ADAM32: variants seen among roughly 807,000 people sequenced by gnomAD.
The protein encoded by ADAM32 is disintegrin and metalloproteinase domain-containing protein 32.
Under a neutral mutation model 114.9 loss-of-function variants are expected in ADAM32, and 89 were observed. That is an observed-to-expected ratio of 0.77 (90% confidence interval 0.65 to 0.92). The LOEUF is 0.92. Ranked by LOEUF, ADAM32 falls within the 40% of genes least tolerant of loss-of-function variation. The probability of loss-of-function intolerance (pLI) is 0.00; values close to 1 mark genes in which losing one functional copy is unlikely to be tolerated. For synonymous variants in ADAM32, 285 were observed against 307.5 expected (o/e 0.93, Z 0.77); for missense variants, 870 against 932.8 (o/e 0.93, Z 0.88).
intron 10 of ADAM32, among the ~76,000 whole-genome samples, chr8:39,171,276 C>T (rs1312592395): frequency 1.3e-5 from 2 of 151,938 alleles, no homozygotes; most frequent in Non-Finnish European, 2.9e-5. Context: ...AATAGGGTGA[C>T]TATAATTAAC....
At chr8:39,273,700 C>G (rs1270282177) in intron 20 of ADAM32, among the ~76,000 whole-genome samples, 2 of 152,124 alleles carry the variant, frequency 1.3e-5, no homozygotes, top group Non-Finnish European at 2.9e-5. Flanking sequence ...AGCCTCAGCT[C>G]CTGTTTAACC....
At chr8:39,184,084 G>A (rs1050617856) in intron 10 of ADAM32, among the ~76,000 whole-genome samples, 1 of 152,218 alleles carries the variant, frequency 6.6e-6, no homozygotes, top group African/African-American at 2.4e-5. Flanking sequence ...TAGAGTGCTC[G>A]AGCTGTTTAG....
intron 10 of ADAM32, among the ~76,000 whole-genome samples, chr8:39,174,104 C>T (rs184078842): frequency 2.6e-4 from 39 of 152,292 alleles, no homozygotes; most frequent in Admixed American, 1.0e-3. Flanking sequence ...GGGTTACAGG[C>T]GTGAGCCACC....
rs189991617 is a variant in ADAM32 at position 39,148,267 on chromosome 8, A to G, written c.276+1062A>G. On this transcript the variant is annotated intron_variant, in intron 4 of 24. Transcript: ENST00000379907. ...TTCTCTACCTCATTCACTTTGTTCC[A>G]GCATTGTTGTTCTTCAAATATAATA... Among the ~76,000 whole-genome samples, 7 of 152,238 alleles carry G rather than the reference A, an allele frequency of 4.6e-5. No individual in the cohort carries two copies. In the East Asian group the frequency reaches 1.4e-3, roughly 29 times the overall value.
intron 11 of ADAM32, among the ~76,000 whole-genome samples, chr8:39,193,968 T>C (rs1263075512): frequency 1.3e-5 from 2 of 152,180 alleles, no homozygotes; most frequent in Non-Finnish European, 2.9e-5. Flanking sequence ...GATCCATCTT[T>C]ATTTGCATGT....
chr8:39,172,939 A>G (rs1336435836), intron 10 of ADAM32, among the ~76,000 whole-genome samples: 1 of 152,214 alleles, frequency 6.6e-6, no homozygotes, highest in African/African-American at 2.4e-5. Context: ...CAATGGCTGA[A>G]CTAATTTACA....
chr8:39,159,703 T>A (rs539746590), intron 6 of ADAM32, among the ~76,000 whole-genome samples: 1 of 152,326 alleles, frequency 6.6e-6, no homozygotes, highest in South Asian at 2.1e-4. Flanking sequence ...ACTCCAACCC[T>A]GTGAAATTTC....
chr8:39,141,683 A>G (rs1451885202), intron 3 of ADAM32, among the ~76,000 whole-genome samples: 1 of 152,038 alleles, frequency 6.6e-6, no homozygotes, highest in Non-Finnish European at 1.5e-5. Context: ...TGGGGTGGAG[A>G]GTTCTGTATA....
chr8:39,264,226 G>A (rs1585677735), intron 19 of ADAM32, among the ~76,000 whole-genome samples: 1 of 152,298 alleles, frequency 6.6e-6, no homozygotes, highest in East Asian at 1.9e-4. Context: ...CCCAGGTAGT[G>A]AGCATAATAC....
At chr8:39,158,526 C>T in intron 6 of ADAM32, 1 of 328,976 alleles carries the variant, frequency 3.0e-6, no homozygotes, top group Non-Finnish European at 5.9e-6. Flanking sequence ...AGCCGGCCAG[C>T]TTCCCACACG....
chr8:39,146,728 T>C (rs1803529480), intron 3 of ADAM32, among the ~76,000 whole-genome samples: 1 of 152,226 alleles, frequency 6.6e-6, no homozygotes, highest in Non-Finnish European at 1.5e-5. Flanking sequence ...CATTTTAGAA[T>C]GCTCTTCTTT....
intron 17 of ADAM32, 89 bp downstream of exon 17, chr8:39,246,255 C>T (rs1585634665): frequency 1.8e-6 from 2 of 1,102,058 alleles, no homozygotes; most frequent in Non-Finnish European, 2.7e-6. Context: ...GGGTCACTAC[C>T]ATGTGACAGA....
rs147497735 is a variant in ADAM32 at position 39,109,598 on chromosome 8, G to A, written c.58+1765G>A. ...TAATGAACATTATTTTTTAGAGTAC[G>A]TTTAGGTTCATAGCAAAATTGAGCT... On this transcript the variant is annotated intron_variant, in intron 1 of 24. Coordinates refer to ENST00000379907, the MANE Select transcript of ADAM32 (RefSeq NM_145004.7). 3.1e-4 allele frequency among the ~76,000 whole-genome samples: 47 copies of A among 152,096 alleles called. 1 individual carries two copies. Among genetic ancestry groups the A allele is most frequent in the South Asian group, 2.3e-3 (11 of 4,796 alleles).
intron 19 of ADAM32, among the ~76,000 whole-genome samples, chr8:39,260,288 C>A (rs1322179416): frequency 2.0e-5 from 3 of 152,084 alleles, no homozygotes; most frequent in African/African-American, 7.2e-5. Flanking sequence ...ACAACTTCTT[C>A]CTATTCAATT....
rs561689125 is a variant in ADAM32 at position 39,169,776 on chromosome 8, A to G, written c.834-140A>G. 9.2e-6 allele frequency: 5 copies of G among 546,354 alleles called. No individual in the cohort carries two copies. The South Asian group carries it at 1.3e-4, about 14-fold the overall frequency. The allele number at this position is 546,354 out of a possible 1,614,324, so 33.8% of individuals were successfully genotyped here. A position where few individuals can be genotyped will look rare whatever the true frequency, so the allele number is the denominator to read the frequency against. ...TAAATAATATTCCAAATTTGAAACA[A>G]TTGAGGACATATGGAAAGATCATAC... On this transcript the variant is annotated intron_variant, in intron 9 of 24. Transcript: ENST00000379907.
intron 16 of ADAM32, among the ~76,000 whole-genome samples, chr8:39,239,841 T>C (rs1014510007): frequency 6.6e-6 from 1 of 152,174 alleles, no homozygotes; most frequent in African/African-American, 2.4e-5. Flanking sequence ...AGGGGCATTA[T>C]ATAATGATAA....
chr8:39,175,083 G>T (rs1223126898), intron 10 of ADAM32, among the ~76,000 whole-genome samples: 1 of 152,170 alleles, frequency 6.6e-6, no homozygotes, highest in Non-Finnish European at 1.5e-5. Context: ...GAGCTTTTGG[G>T]CTGAGAGGAT....
At chr8:39,220,958 A>AT (rs143863828) in intron 12 of ADAM32, 4,259 of 141,486 alleles carry the variant, frequency 0.03, 209 homozygotes, top group African/African-American at 0.11. Context: ...GTCTGTGTTG[A>AT]TTTTTTCTTT....
intron 2 of ADAM32, among the ~76,000 whole-genome samples, chr8:39,120,757 G>A (rs944224608): frequency 3.5e-5 from 3 of 86,908 alleles, no homozygotes; most frequent in African/African-American, 7.5e-5. Flanking sequence ...GCAAGACTCC[G>A]TCTCAAAAAA....
Sources: allele counts gnomAD v4.1 joint callset (sites outside exome capture counted in the v4.1 genomes callset), GRCh38; gene constraint gnomAD v4.1.1; transcripts MANE v1.5; gene names NCBI Gene and HGNC (gene_info 2026-07-23, HGNC 2026-07-21).